The following ZBTB2 variants were observed in gnomAD, a reference collection of about 807,000 sequenced individuals.
ZBTB2 encodes zinc finger and BTB domain containing 2.
In ZBTB2, 2 loss-of-function variants were observed where a neutral mutation model predicts 39.5. That is an observed-to-expected ratio of 0.05 (90% confidence interval 0.02 to 0.16). ZBTB2 has a LOEUF of 0.16. ZBTB2 is among the 10% of genes least tolerant of loss of function. The probability of loss-of-function intolerance (pLI) is 1.00; values close to 1 mark genes in which losing one functional copy is unlikely to be tolerated. For missense variants in ZBTB2, 391 were observed against 653.0 expected (o/e 0.60, Z 4.37); for synonymous variants, 251 against 256.6 (o/e 0.98, Z 0.21).
At chr6:151,372,036 C>T (rs1457103354) in intron 2 of ZBTB2, among the ~76,000 whole-genome samples, 2 of 152,086 alleles carry the variant, frequency 1.3e-5, no homozygotes, top group African/African-American at 4.8e-5. Context: ...GTTCTGGAGA[C>T]AGAACAGTCA....
At chr6:151,390,737 C>T (rs941628779) in intron 1 of ZBTB2, among the ~76,000 whole-genome samples, 1 of 151,794 alleles carries the variant, frequency 6.6e-6, no homozygotes, top group African/African-American at 2.4e-5. Context: ...CGGGCCTGCT[C>T]CGGTCGGACC....
chr6:151,368,272 G>C (rs529698355), intron 2 of ZBTB2, among the ~76,000 whole-genome samples: 2 of 152,028 alleles, frequency 1.3e-5, no homozygotes, highest in South Asian at 2.1e-4. Flanking sequence ...TCAGCCTCCA[G>C]AGTAGCTGGG....
chr6:151,368,047 A>G (rs781573770), intron 2 of ZBTB2, among the ~76,000 whole-genome samples: 1 of 152,214 alleles, frequency 6.6e-6, no homozygotes, highest in Non-Finnish European at 1.5e-5. Flanking sequence ...AGCTTCCTTG[A>G]ATGCTTTTAG....
At chr6:151,379,728 T>C (rs890837185) in intron 1 of ZBTB2, among the ~76,000 whole-genome samples, 1 of 151,574 alleles carries the variant, frequency 6.6e-6, no homozygotes, top group Non-Finnish European at 1.5e-5. Context: ...TATGTTCTAA[T>C]AATTTTCTCA....
intron 2 of ZBTB2, 116 bp from the exon 3 acceptor site, chr6:151,367,008 T>G: frequency 8.9e-7 from 1 of 1,117,442 alleles, no homozygotes; most frequent in Non-Finnish European, 1.2e-6. Flanking sequence ...CTATCCTTGA[T>G]TTTTAGTAAG....
At chr6:151,389,809 C>T (rs1779243851) in intron 1 of ZBTB2, among the ~76,000 whole-genome samples, 1 of 152,260 alleles carries the variant, frequency 6.6e-6, no homozygotes, top group Non-Finnish European at 1.5e-5. Context: ...CAGCTTCTCC[C>T]GGCCCAGGCA....
At chr6:151,370,711 A>C (rs1264550720) in intron 2 of ZBTB2, among the ~76,000 whole-genome samples, 1 of 152,206 alleles carries the variant, frequency 6.6e-6, no homozygotes, top group Admixed American at 6.5e-5. Flanking sequence ...CCGTATTCTC[A>C]GTCTATGTCT....
Position 151,366,071 on chromosome 6 carries a change from T to C in ZBTB2, c.995A>G (p.Gln332Arg). The C allele has an allele frequency of 6.2e-7, 1 of 1,614,180 alleles. No homozygotes were observed. Among genetic ancestry groups the C allele is most frequent in the Non-Finnish European group, 8.5e-7 (1 of 1,180,034 alleles). The change falls in exon 3 of 3, where the codon CAG becomes CGG. Residue 332 changes from glutamine to arginine, a missense_variant. Coordinates refer to ENST00000325144, the MANE Select transcript of ZBTB2 (RefSeq NM_020861.3). This position sits in a 1 kb window ranked among gnomAD's most constrained non-coding sequence, Gnocchi z 7.1. ...GGGGGGTGGGGTTTCCGACTGCTGC[T>C]GCCCATCGATGATGGGAGAATCAGA... ...HISDSPIIDG[Q>R]QQSETPPPSD...
chr6:151,374,188 T>C (rs1304823080), intron 1 of ZBTB2, among the ~76,000 whole-genome samples: 1 of 152,152 alleles, frequency 6.6e-6, no homozygotes, highest in Non-Finnish European at 1.5e-5. Flanking sequence ...AATCAATAAG[T>C]CTGAGGGCCA....
intron 1 of ZBTB2, among the ~76,000 whole-genome samples, chr6:151,387,950 A>G (rs889637889): frequency 2.6e-5 from 4 of 152,192 alleles, no homozygotes; most frequent in African/African-American, 7.2e-5. Flanking sequence ...TTTACTATCA[A>G]TTCGAAGTAA....
At chr6:151,387,821 C>A (rs894784886) in intron 1 of ZBTB2, among the ~76,000 whole-genome samples, 2 of 152,108 alleles carry the variant, frequency 1.3e-5, no homozygotes, top group Non-Finnish European at 2.9e-5. Context: ...TATGAGCCTC[C>A]AAGTTGGCTT....
At chr6:151,389,675 G>A (rs1300697937) in intron 1 of ZBTB2, among the ~76,000 whole-genome samples, 1 of 152,216 alleles carries the variant, frequency 6.6e-6, no homozygotes, top group African/African-American at 2.4e-5. Context: ...CCCATTGTAT[G>A]ATGAAAGAGC....
At chr6:151,367,614 G>A (rs1430678258) in intron 2 of ZBTB2, among the ~76,000 whole-genome samples, 2 of 152,152 alleles carry the variant, frequency 1.3e-5, no homozygotes, top group Non-Finnish European at 1.5e-5. Flanking sequence ...CATGTAGTTG[G>A]TAAGAGGTGG....
At position 151,366,233 on chromosome 6, in the gene ZBTB2, CCTGTGTGGATCTGGAGGTGTTCACGTAAG is replaced by C; in HGVS notation, c.804_832del (p.Ser268ArgfsTer7). 1 of 1,614,120 alleles carries C rather than the reference CCTGTGTGGATCTGGAGGTGTTCACGTAAG, an allele frequency of 6.2e-7. No homozygotes were observed. Among genetic ancestry groups the C allele is most frequent in the Non-Finnish European group, 8.5e-7 (1 of 1,180,026 alleles). On this transcript the variant is annotated frameshift_variant, in exon 3 of 3. Transcript: ENST00000325144. LOFTEE classifies it high-confidence loss of function. This position sits in a 1 kb window ranked among gnomAD's most constrained non-coding sequence, Gnocchi z 7.1. ...CTGTTGGCTAGATGTGAAAGGTACT[CCTGTGTGGATCTGGAGGTGTTCACGTAAG>C]CTGCTCCGGAGAGTGAAGCGCCGTC... is the stretch of plus-strand genomic sequence containing the variant.
At chr6:151,376,181 A>G (rs1482448505) in intron 1 of ZBTB2, among the ~76,000 whole-genome samples, 2 of 152,242 alleles carry the variant, frequency 1.3e-5, no homozygotes, top group Non-Finnish European at 2.9e-5. Flanking sequence ...CATACTTTAT[A>G]TAAAAATCAA....
chr6:151,390,292 G>GGCCGGGGGCGCGGC (rs1779256835), intron 1 of ZBTB2, among the ~76,000 whole-genome samples: 1 of 145,434 alleles, frequency 6.9e-6, no homozygotes, highest in African/African-American at 2.5e-5. Flanking sequence ...CCCGGGGCGG[G>GGCCGGGGGCGCGGC]GCCGGGGGCG....
At chr6:151,377,933 C>G (rs1048476262) in intron 1 of ZBTB2, 1 of 151,994 alleles carries the variant, frequency 6.6e-6, no homozygotes, top group African/African-American at 2.4e-5. Flanking sequence ...AGATAATGCA[C>G]TATCAATAAG....
At chr6:151,375,452 G>C (rs1778886849) in intron 1 of ZBTB2, among the ~76,000 whole-genome samples, 1 of 152,128 alleles carries the variant, frequency 6.6e-6, no homozygotes, top group Non-Finnish European at 1.5e-5. Context: ...CTGACATATA[G>C]GTTTGATGCC....
chr6:151,378,977 C>A (rs529797002), intron 1 of ZBTB2, among the ~76,000 whole-genome samples: 1 of 152,172 alleles, frequency 6.6e-6, no homozygotes, highest in South Asian at 2.1e-4. Flanking sequence ...GCTTATAGAA[C>A]CAGTACATTC....
Sources: allele counts gnomAD v4.1 joint callset (sites outside exome capture counted in the v4.1 genomes callset), GRCh38; gene constraint gnomAD v4.1.1; non-coding constraint Gnocchi (gnomAD v3.1); transcripts MANE v1.5; gene names NCBI Gene and HGNC (gene_info 2026-07-23, HGNC 2026-07-21).